The following ANKRD28 variants were observed in gnomAD, a reference collection of about 807,000 sequenced individuals.
The protein encoded by ANKRD28 is serine/threonine-protein phosphatase 6 regulatory ankyrin repeat subunit A.
ANKRD28 carries 44 observed loss-of-function variants against 126.5 expected under a neutral mutation model. The ratio of observed to expected loss-of-function variants is 0.35; its 90% CI spans 0.27 to 0.45. ANKRD28 has a LOEUF of 0.45. Among genes scored for constraint, ANKRD28 ranks in the 20% least tolerant of loss-of-function variants. The pLI is 1.00. For synonymous variants in ANKRD28, 442 were observed against 468.5 expected (o/e 0.94, Z 0.73); for missense variants, 1,110 against 1,316.6 (o/e 0.84, Z 2.43).
In ANKRD28 at chr3:15,777,227, T is replaced by C. The variant is rs560554744; in HGVS notation, c.202-10915A>G. On this transcript the variant is annotated intron_variant, in intron 2 of 27. Transcript: ENST00000683139. Reference sequence around the variant, plus strand: ...AGGTAGAGCTTGCAGTGAGCTGAGATTGCGCCACTGTACCAGCCTAGGTGA... The same window carrying C: ...AGGTAGAGCTTGCAGTGAGCTGAGACTGCGCCACTGTACCAGCCTAGGTGA... 6.1e-5 allele frequency among the ~76,000 whole-genome samples: 9 copies of C among 148,392 alleles called. No homozygotes were observed. The South Asian group carries it at 6.3e-4, about 10-fold the overall frequency.
At chr3:15,727,826 G>C (rs979714807) in intron 6 of ANKRD28, among the ~76,000 whole-genome samples, 6 of 152,182 alleles carry the variant, frequency 3.9e-5, no homozygotes, top group Non-Finnish European at 7.3e-5. Context: ...ATGAGGGGTT[G>C]CTTCTTATGG....
rs142256876 is a variant in ANKRD28 at position 15,812,014 on chromosome 3, G to A, written c.28-16708C>T. On this transcript the variant is annotated intron_variant, in intron 1 of 27. Transcript: ENST00000399451. The surrounding 1 kb of genome is among the most constrained non-coding windows in gnomAD (Gnocchi z 4.1). ...CTAAAAATAGAAAAATTAGCCAGGC[G>A]TGGTGGTACGCACCTGTAGTCCCAG... 1.2e-4 allele frequency among the ~76,000 whole-genome samples: 18 copies of A among 152,022 alleles called. No individual in the cohort carries two copies. In the East Asian group the frequency reaches 2.0e-3, roughly 17 times the overall value.
At position 15,833,522 on chromosome 3, in the gene ANKRD28, T is replaced by C. The variant is rs1200730826; in HGVS notation, c.27+25855A>G. On this transcript the variant is annotated intron_variant, in intron 1 of 27. Coordinates refer to the ANKRD28 transcript ENST00000399451. This position sits in a 1 kb window ranked among gnomAD's most constrained non-coding sequence, Gnocchi z 4.4. ...TACTACATATTATGTACTATATATA[T>C]ATAAAATATATACATTATTTTTTAT... Among the ~76,000 whole-genome samples, 1 of 148,490 alleles carries C rather than the reference T, an allele frequency of 6.7e-6. No homozygotes were observed. The highest frequency in any genetic ancestry group is 1.5e-5 in the Non-Finnish European group (1 of 67,326).
chr3:15,796,465 G>A lies in ANKRD28; in HGVS notation c.57C>T (p.Phe19=), dbSNP rs750667547. ...LEEVEDESPA[F]ISKLPQENKS... ...TATTTTCCTGTGGCAATTTAGAAAT[G>A]AATGCAGGAGATTCATCTTCTACCT... The change falls in exon 1 of 28, where the codon TTC becomes TTT. Residue 19 remains phenylalanine (F), a synonymous_variant. Transcript: ENST00000683139. 3.1e-5 allele frequency: 40 copies of A among 1,288,938 alleles called. No homozygotes were observed. The highest frequency in any genetic ancestry group is 1.0e-6 in the Non-Finnish European group (1 of 988,288). The allele number at this position is 1,288,938 out of a possible 1,614,324, so 79.8% of individuals were successfully genotyped here. A position where few individuals can be genotyped will look rare whatever the true frequency, so the allele number is the denominator to read the frequency against.
intron 6 of ANKRD28, among the ~76,000 whole-genome samples, chr3:15,734,115 A>C (rs1455881274): frequency 2.6e-5 from 4 of 152,216 alleles, no homozygotes; most frequent in Admixed American, 6.5e-5. Context: ...TGAAACGCTC[A>C]TACACGGAGA....
intron 1 of ANKRD28, among the ~76,000 whole-genome samples, chr3:15,826,028 T>C (rs1189408817): frequency 1.3e-5 from 2 of 152,072 alleles, no homozygotes; most frequent in East Asian, 3.8e-4. Flanking sequence ...AAAATAATAA[T>C]TACATAATAA....
chr3:15,688,317 G>A (rs1448638694), intron 18 of ANKRD28, among the ~76,000 whole-genome samples: 1 of 152,060 alleles, frequency 6.6e-6, no homozygotes, highest in African/African-American at 2.4e-5. Flanking sequence ...TTAGGAACAG[G>A]GTTTCATCAT....
At chr3:15,778,152 G>C (rs1034810625) in intron 2 of ANKRD28, among the ~76,000 whole-genome samples, 1 of 152,068 alleles carries the variant, frequency 6.6e-6, no homozygotes, top group Non-Finnish European at 1.5e-5. Flanking sequence ...CGTCTCCCTT[G>C]TAACAATCAT....
intron 1 of ANKRD28, among the ~76,000 whole-genome samples, chr3:15,820,963 A>G (rs905112893): frequency 2.6e-5 from 4 of 152,166 alleles, no homozygotes; most frequent in Non-Finnish European, 2.9e-5. Flanking sequence ...GGAAATCTAG[A>G]TCTGGTAAAT....
intron 21 of ANKRD28, among the ~76,000 whole-genome samples, chr3:15,680,660 T>A (rs1292279681): frequency 6.6e-6 from 1 of 152,172 alleles, no homozygotes; most frequent in Non-Finnish European, 1.5e-5. Flanking sequence ...CTGGTATTTT[T>A]TTATTTTATT....
chr3:15,779,589 A>AC (rs897356650), intron 2 of ANKRD28, among the ~76,000 whole-genome samples: 1 of 152,210 alleles, frequency 6.6e-6, no homozygotes, highest in Admixed American at 6.5e-5. Context: ...AATGGAAGCA[A>AC]CCAAATCAAA....
intron 4 of ANKRD28, among the ~76,000 whole-genome samples, chr3:15,743,894 C>T (rs1345945257): frequency 2.0e-5 from 3 of 152,170 alleles, no homozygotes; most frequent in Non-Finnish European, 2.9e-5. Context: ...CTCTTCTATG[C>T]ATCTATCACT....
intron 1 of ANKRD28, among the ~76,000 whole-genome samples, chr3:15,836,297 G>A (rs976056068): frequency 3.9e-5 from 6 of 151,936 alleles, no homozygotes; most frequent in African/African-American, 9.7e-5. Flanking sequence ...TAGTTATACC[G>A]GAGGACTATT....
At chr3:15,697,157 A>T (rs1030354817) in intron 14 of ANKRD28, 5 of 152,198 alleles carry the variant, frequency 3.3e-5, no homozygotes, top group African/African-American at 1.2e-4. Flanking sequence ...CTGGAGTTGG[A>T]GATCATTATT....
At chr3:15,764,658 C>T (rs116792207) in intron 3 of ANKRD28, among the ~76,000 whole-genome samples, 286 of 152,152 alleles carry the variant, frequency 1.9e-3, no homozygotes, top group African/African-American at 6.5e-3. Context: ...CTTATCCAGT[C>T]CTAAACTGTT....
At chr3:15,829,989 T>C (rs111943440) in intron 1 of ANKRD28, among the ~76,000 whole-genome samples, 3 of 152,078 alleles carry the variant, frequency 2.0e-5, no homozygotes, top group African/African-American at 7.2e-5. Context: ...ACATAAGCAT[T>C]TTTCCTGTGC....
rs549434447 is a variant in ANKRD28 at position 15,814,412 on chromosome 3, T to C, written c.28-19106A>G. 1.5e-5 allele frequency: 7 copies of C among 480,544 alleles called. No individual in the cohort carries two copies. The highest frequency in any genetic ancestry group is 1.0e-4 in the East Asian group (1 of 9,536). 29.8% of individuals were successfully genotyped at this position (480,544 alleles called of 1,614,324 possible). On this transcript the variant is annotated intron_variant, in intron 1 of 27. Coordinates refer to the ANKRD28 transcript ENST00000399451. This position sits in a 1 kb window ranked among gnomAD's most constrained non-coding sequence, Gnocchi z 4.7. ...AGTACCTTAACAAAACATTGAATTA[T>C]TGGATAATATTCAAAAACTTACTTT...
At position 15,670,127 on chromosome 3, in the gene ANKRD28, C is replaced by T; in HGVS notation, c.*143G>A. On this transcript the variant is annotated 3_prime_UTR_variant, in exon 28 of 28. Transcript: ENST00000683139. ...AAACTTGCCTTTAAAACTCTTCCTC[C>T]TAATGCCATCAGATCTCTTAACATT... 1.1e-6 allele frequency: 1 copy of T among 911,978 alleles called. No homozygotes were observed. Among genetic ancestry groups the T allele is most frequent in the Non-Finnish European group, 1.6e-6 (1 of 618,614 alleles). The allele number at this position is 911,978 out of a possible 1,614,324, so 56.5% of individuals were successfully genotyped here.
At position 15,830,287 on chromosome 3, in the gene ANKRD28, T is replaced by C. The variant is rs963804522; in HGVS notation, c.27+29090A>G. Among the ~76,000 whole-genome samples, 1 of 152,188 alleles carries C rather than the reference T, an allele frequency of 6.6e-6. No homozygotes were observed. Among genetic ancestry groups the C allele is most frequent in the African/African-American group, 2.4e-5 (1 of 41,450 alleles). On this transcript the variant is annotated intron_variant, in intron 1 of 27. Transcript: ENST00000399451. The surrounding 1 kb of genome is among the most constrained non-coding windows in gnomAD (Gnocchi z 4.5). The stretch of plus-strand genomic sequence containing the variant: ...ACTCCCAGGGGTTCATGGACCACAC[T>C]ATGAGAAGTCTCTTAGACCAGGGTC...
Sources: gnomAD v4.1 joint callset for allele counts (sites outside exome capture counted in the v4.1 genomes callset) on GRCh38, gnomAD v4.1.1 for gene constraint, Gnocchi (gnomAD v3.1) non-coding constraint, MANE v1.5 for transcripts, NCBI Gene and HGNC (gene_info 2026-07-23, HGNC 2026-07-21) for gene names.